EPHA5: variants seen among roughly 807,000 people sequenced by gnomAD.
The protein encoded by EPHA5 is EPH receptor A5, also known as ephrin type-A receptor 5.
In EPHA5, 60 loss-of-function variants were observed where a neutral mutation model predicts 105.0. That is an observed-to-expected ratio of 0.57 (90% confidence interval 0.46 to 0.71). EPHA5 has a LOEUF of 0.71. EPHA5 is among the 30% of genes least tolerant of loss of function. The pLI is 0.00. For synonymous variants in EPHA5, 513 were observed against 449.1 expected, an observed-to-expected ratio of 1.14 and a Z score of -1.80; for missense variants, 1,218 against 1,274.7, an observed-to-expected ratio of 0.96 and a Z score of 0.68.
chr4:65,458,816 T>C (rs1334620224), intron 5 of EPHA5, among the ~76,000 whole-genome samples: 1 of 152,096 alleles, frequency 6.6e-6, no homozygotes, highest in African/African-American at 2.4e-5. Context: ...TGTTCAATAA[T>C]TTAGTGAACC....
intron 8 of EPHA5, among the ~76,000 whole-genome samples, chr4:65,392,791 GA>G (rs1221896245): frequency 6.6e-6 from 1 of 152,056 alleles, no homozygotes; most frequent in Admixed American, 6.6e-5. Flanking sequence ...ACATTAATGG[GA>G]AAAATGGACA....
chr4:65,602,250 C>T lies in EPHA5; in HGVS notation c.301G>A (p.Val101Ile), dbSNP rs375311975. 11 of 1,611,596 alleles carry T rather than the reference C, an allele frequency of 6.8e-6. No individual in the cohort carries two copies. Among genetic ancestry groups the T allele is most frequent in the Non-Finnish European group, 8.5e-6 (10 of 1,179,966 alleles). Residue 101 changes from valine (V) to isoleucine (I), a missense_variant, in exon 3 of 17, where the codon GTA becomes ATA. This residue lies in a region of EPHA5 where 233 missense variants were observed against 227.5 expected (regional missense o/e 1.02). Coordinates refer to ENST00000613740, the MANE Select transcript of EPHA5 (RefSeq NM_001281766.3). ...TGATTCTGTTCCATCACTTTGCATA[C>T]TTGGTATGTGTGGATAGGGGCATAA... ...ENYAPIHTYQVCKVMEQNQNN... is the reference protein window; with the variant it reads ...ENYAPIHTYQICKVMEQNQNN...
At chr4:65,495,085 T>C (rs1731791473) in intron 4 of EPHA5, among the ~76,000 whole-genome samples, 1 of 152,106 alleles carries the variant, frequency 6.6e-6, no homozygotes, top group Admixed American at 6.6e-5. Flanking sequence ...ATCAAAGTCA[T>C]GTTTAGCTAG....
At chr4:65,444,546 T>C (rs1458199114) in intron 5 of EPHA5, among the ~76,000 whole-genome samples, 1 of 152,152 alleles carries the variant, frequency 6.6e-6, no homozygotes, top group Non-Finnish European at 1.5e-5. Context: ...AGAAATTAAG[T>C]TTAAACAGGT....
chr4:65,433,541 C>G (rs992856243), intron 5 of EPHA5, among the ~76,000 whole-genome samples: 21 of 152,136 alleles, frequency 1.4e-4, no homozygotes, highest in African/African-American at 5.1e-4. Context: ...CCAAAGTATC[C>G]TATCATATAA....
At chr4:65,490,083 T>C (rs1731254145) in intron 5 of EPHA5, among the ~76,000 whole-genome samples, 1 of 152,230 alleles carries the variant, frequency 6.6e-6, no homozygotes, top group Non-Finnish European at 1.5e-5. Context: ...TGAAATTATA[T>C]GAGATAAATT....
intron 1 of EPHA5, among the ~76,000 whole-genome samples, chr4:65,654,237 T>C (rs562859765): frequency 7.3e-6 from 1 of 136,584 alleles, no homozygotes; most frequent in South Asian, 2.4e-4. Context: ...CCAACTTCTT[T>C]CTTGAAAAAA....
chr4:65,595,662 G>A (rs1038797988), intron 3 of EPHA5, among the ~76,000 whole-genome samples: 2 of 149,842 alleles, frequency 1.3e-5, no homozygotes, highest in African/African-American at 2.5e-5. Context: ...CTCACTGCAA[G>A]CTCCACCTCC....
intron 2 of EPHA5, among the ~76,000 whole-genome samples, chr4:65,630,220 A>T (rs1034332525): frequency 6.6e-6 from 1 of 152,122 alleles, no homozygotes; most frequent in Non-Finnish European, 1.5e-5. Context: ...CATGGAGAGA[A>T]AAGACGTGAA....
chr4:65,502,617 T>C (rs1230553966), intron 3 of EPHA5, among the ~76,000 whole-genome samples: 1 of 152,052 alleles, frequency 6.6e-6, no homozygotes, highest in Non-Finnish European at 1.5e-5. Context: ...GGTGAGGCTG[T>C]GGAGAAAAGG....
chr4:65,577,965 A>G (rs1741227477), intron 3 of EPHA5, among the ~76,000 whole-genome samples: 1 of 152,234 alleles, frequency 6.6e-6, no homozygotes, highest in East Asian at 1.9e-4. Flanking sequence ...AGAAATTCCT[A>G]GAATTTATAG....
intron 1 of EPHA5, among the ~76,000 whole-genome samples, chr4:65,668,347 T>C (rs905581478): frequency 5.3e-5 from 8 of 151,688 alleles, no homozygotes; most frequent in Non-Finnish European, 8.8e-5. Context: ...TGCCCAGGAG[T>C]GGAAGGAATT....
chr4:65,414,204 C>G (rs2149017799), intron 7 of EPHA5, 80 bp downstream of exon 7: 1 of 1,256,588 alleles, frequency 8.0e-7, no homozygotes, highest in East Asian at 2.3e-5. Context: ...GACAGAGTGC[C>G]CAGGGAGGGT....
intron 11 of EPHA5, among the ~76,000 whole-genome samples, chr4:65,362,688 TA>T (rs554999480): frequency 4.5e-4 from 68 of 151,686 alleles, no homozygotes; most frequent in Non-Finnish European, 7.7e-4. Context: ...CACTAGCTCC[TA>T]AAAAATGCAT....
intron 3 of EPHA5, among the ~76,000 whole-genome samples, chr4:65,505,991 C>A (rs1732977684): frequency 6.6e-6 from 1 of 152,094 alleles, no homozygotes; most frequent in Non-Finnish European, 1.5e-5. Context: ...CGAATGCTAT[C>A]CCTCCCTGCT....
intron 3 of EPHA5, among the ~76,000 whole-genome samples, chr4:65,538,253 AC>A (rs1421287489): frequency 6.6e-6 from 1 of 151,804 alleles, no homozygotes; most frequent in Non-Finnish European, 1.5e-5. Flanking sequence ...AACTTTTGTC[AC>A]TTGTTAATAT....
At chr4:65,415,348 G>A (rs1019996238) in intron 6 of EPHA5, among the ~76,000 whole-genome samples, 2 of 152,032 alleles carry the variant, frequency 1.3e-5, no homozygotes, top group Non-Finnish European at 2.9e-5. Flanking sequence ...GGTAACATAT[G>A]TGAAAACAGT....
chr4:65,490,002 A>G (rs1474172097), intron 5 of EPHA5, among the ~76,000 whole-genome samples: 2 of 152,202 alleles, frequency 1.3e-5, no homozygotes, highest in Non-Finnish European at 2.9e-5. Flanking sequence ...GCCTAATCAC[A>G]TGCTAAATTA....
At chr4:65,639,793 G>T (rs1247406582) in intron 2 of EPHA5, among the ~76,000 whole-genome samples, 1 of 151,884 alleles carries the variant, frequency 6.6e-6, no homozygotes, top group Non-Finnish European at 1.5e-5. Context: ...CCTCAGATTT[G>T]ATTATCTCAG....
Sources: allele counts gnomAD v4.1 joint callset (sites outside exome capture counted in the v4.1 genomes callset), GRCh38; gene constraint gnomAD v4.1.1; regional missense constraint gnomAD v4.1.1; transcripts MANE v1.5; gene names NCBI Gene and HGNC (gene_info 2026-07-23, HGNC 2026-07-21).